Variants in STPG2 observed in about 807,000 individuals in gnomAD.
The protein encoded by STPG2 is sperm-tail PG-rich repeat-containing protein 2.
A neutral mutation model predicts 54.2 loss-of-function variants in STPG2; 56 were observed. The ratio of observed to expected loss-of-function variants is 1.03; its 90% CI spans 0.83 to 1.29. The LOEUF (loss-of-function observed/expected upper bound fraction) is 1.29. Among genes scored for constraint, STPG2 ranks in the 50% most tolerant of loss-of-function variants. STPG2 has a pLI of 0.00. For missense variants in STPG2, 596 were observed against 544.9 expected, an observed-to-expected ratio of 1.09 and a Z score of -0.93; for synonymous variants, 200 against 181.8, an observed-to-expected ratio of 1.10 and a Z score of -0.81.
chr4:98,022,636 C>G (rs1481211110), intron 5 of STPG2, among the ~76,000 whole-genome samples: 1 of 152,018 alleles, frequency 6.6e-6, no homozygotes, highest in African/African-American at 2.4e-5. Flanking sequence ...TCCATTTTCC[C>G]CATCACTTTC....
chr4:98,023,956 G>A (rs576867850), intron 5 of STPG2, among the ~76,000 whole-genome samples: 170 of 152,210 alleles, frequency 1.1e-3, no homozygotes, highest in African/African-American at 3.9e-3. Context: ...ACTAGCAAAG[G>A]GAACTCCCTG....
chr4:97,972,328 G>A lies in STPG2; in HGVS notation c.885C>T (p.Phe295=), dbSNP rs1392188794. 1.2e-6 allele frequency: 2 copies of A among 1,609,440 alleles called. No individual in the cohort carries two copies. Among genetic ancestry groups the A allele is most frequent in the East Asian group, 2.2e-5 (1 of 44,708 alleles). Residue 295 remains phenylalanine (F), a synonymous_variant, in exon 7 of 11, where the codon TTC becomes TTT. Coordinates refer to ENST00000295268, the MANE Select transcript of STPG2 (RefSeq NM_174952.3). ...TAGCACAAGCTTCTTTCTGAACCGAGAAGAAAGTCCGAGGAACAGAAGAAC... is the reference window on the plus strand; with the variant it reads ...TAGCACAAGCTTCTTTCTGAACCGAAAAGAAAGTCCGAGGAACAGAAGAAC... ...AFGSSVPRTF[F]SVQKEACATP...
At chr4:97,601,661 T>G (rs1733465884) in intron 10 of STPG2, among the ~76,000 whole-genome samples, 1 of 151,940 alleles carries the variant, frequency 6.6e-6, no homozygotes, top group South Asian at 2.1e-4. Context: ...CATATATGCA[T>G]ACATCTGTTT....
intron 5 of STPG2, among the ~76,000 whole-genome samples, chr4:98,039,147 G>A (rs887926508): frequency 1.3e-5 from 2 of 151,728 alleles, no homozygotes; most frequent in Non-Finnish European, 2.9e-5. Context: ...GTGTATCAAA[G>A]ACACAGGCAA....
At chr4:97,506,795 A>G (rs560523679) in intron 4 of STPG2, among the ~76,000 whole-genome samples, 1 of 152,024 alleles carries the variant, frequency 6.6e-6, no homozygotes, top group African/African-American at 2.4e-5. Flanking sequence ...ATAAGCTAAT[A>G]GAGAGAGAGA....
chr4:97,888,603 C>T (rs1428675974), intron 8 of STPG2, among the ~76,000 whole-genome samples: 1 of 152,166 alleles, frequency 6.6e-6, no homozygotes, highest in Non-Finnish European at 1.5e-5. Flanking sequence ...TACAGGCTCA[C>T]AGGCAGAACA....
chr4:97,481,087 T>C (rs1372941383), intron 4 of STPG2, among the ~76,000 whole-genome samples: 1 of 150,722 alleles, frequency 6.6e-6, no homozygotes, highest in African/African-American at 2.5e-5. Flanking sequence ...TGGCATGACA[T>C]AGAGAAAAAA....
chr4:97,480,165 C>A (rs1019651398), intron 4 of STPG2, among the ~76,000 whole-genome samples: 7 of 151,468 alleles, frequency 4.6e-5, no homozygotes, highest in African/African-American at 1.7e-4. Flanking sequence ...GAAAATTATG[C>A]AAAGTTAATA....
At chr4:97,803,128 AC>A in intron 9 of STPG2, among the ~76,000 whole-genome samples, 1 of 152,246 alleles carries the variant, frequency 6.6e-6, no homozygotes, top group East Asian at 1.9e-4. Flanking sequence ...CAATACTAAG[AC>A]CCAATATTTG....
intron 10 of STPG2, among the ~76,000 whole-genome samples, chr4:97,664,305 G>C (rs1412513560): frequency 6.6e-6 from 1 of 152,146 alleles, no homozygotes; most frequent in Non-Finnish European, 1.5e-5. Context: ...ATTTAAGATT[G>C]ATTCTGTCTG....
chr4:97,878,356 C>T (rs1316139226), intron 8 of STPG2, among the ~76,000 whole-genome samples: 1 of 152,196 alleles, frequency 6.6e-6, no homozygotes, highest in Non-Finnish European at 1.5e-5. Flanking sequence ...TTCTGCACTG[C>T]CCTAGCAGAG....
At position 97,875,173 on chromosome 4, in the gene STPG2, G is replaced by A. The variant is rs563852566; in HGVS notation, c.1045-34241C>T. Reference sequence around the variant, plus strand: ...CCATAAACGTTCACCTAGATGTTTTGTGGATATTTGCTTTCATTTCCCTTG... The same window carrying A: ...CCATAAACGTTCACCTAGATGTTTTATGGATATTTGCTTTCATTTCCCTTG... On this transcript the variant is annotated intron_variant, in intron 8 of 10. Transcript: ENST00000295268. Among the ~76,000 whole-genome samples, 265 of 151,972 alleles carry A rather than the reference G, an allele frequency of 1.7e-3. 2 individuals are homozygous for A. Among genetic ancestry groups the A allele is most frequent in the African/African-American group, 5.9e-3 (247 of 41,524 alleles).
intron 5 of STPG2, among the ~76,000 whole-genome samples, chr4:98,054,054 C>T (rs571536195): frequency 6.6e-6 from 1 of 152,224 alleles, no homozygotes; most frequent in African/African-American, 2.4e-5. Flanking sequence ...CTCTTTAAGA[C>T]ATATTCCTTA....
chr4:97,809,427 T>G (rs2149095944), intron 9 of STPG2, among the ~76,000 whole-genome samples: 1 of 152,318 alleles, frequency 6.6e-6, no homozygotes, highest in Non-Finnish European at 1.5e-5. Context: ...GTAGACATAA[T>G]TAAACTATCA....
chr4:98,013,442 A>G (rs1306600392), intron 5 of STPG2, among the ~76,000 whole-genome samples: 1 of 152,176 alleles, frequency 6.6e-6, no homozygotes, highest in Non-Finnish European at 1.5e-5. Context: ...TTTTGGTATC[A>G]GGGTGATGCT....
At chr4:98,059,334 C>T (rs1737573873) in intron 5 of STPG2, among the ~76,000 whole-genome samples, 1 of 151,698 alleles carries the variant, frequency 6.6e-6, no homozygotes, top group African/African-American at 2.4e-5. Flanking sequence ...TTTTCTTCTC[C>T]AAGAAGAAAA....
At chr4:97,673,097 T>C (rs2148970865) in intron 10 of STPG2, among the ~76,000 whole-genome samples, 1 of 152,336 alleles carries the variant, frequency 6.6e-6, no homozygotes, top group East Asian at 1.9e-4. Context: ...AATAAGCCTG[T>C]AGGGAGAAAA....
chr4:97,481,649 C>A (rs936446498), intron 4 of STPG2, among the ~76,000 whole-genome samples: 8 of 151,608 alleles, frequency 5.3e-5, no homozygotes, highest in Non-Finnish European at 3.0e-5. Context: ...TTCAACATTT[C>A]TTGATGAGTA....
intron 3 of STPG2, among the ~76,000 whole-genome samples, chr4:98,109,736 A>G (rs1426666): frequency 0.4 from 60,099 of 152,014 alleles, 12,130 homozygotes; most frequent in Middle Eastern, 0.45. Flanking sequence ...TGGTCATTAC[A>G]TAACTTCATA....
Sources: gnomAD v4.1 joint callset for allele counts (sites outside exome capture counted in the v4.1 genomes callset) on GRCh38, gnomAD v4.1.1 for gene constraint, MANE v1.5 for transcripts, NCBI Gene and HGNC (gene_info 2026-07-23, HGNC 2026-07-21) for gene names.